BMPER: variants seen among roughly 807,000 people sequenced by gnomAD.
BMPER encodes BMP binding endothelial regulator.
Under a neutral mutation model 87.3 loss-of-function variants are expected in BMPER, and 45 were observed. The ratio of observed to expected loss-of-function variants is 0.52; its 90% CI spans 0.41 to 0.66. The LOEUF is 0.66. Among genes scored for constraint, BMPER ranks in the 30% least tolerant of loss-of-function variants. The pLI, the probability that BMPER is intolerant of heterozygous loss-of-function variation, is 0.00. For synonymous variants in BMPER, 326 were observed against 316.2 expected, an observed-to-expected ratio of 1.03 and a Z score of -0.33; for missense variants, 784 against 867.5, an observed-to-expected ratio of 0.90 and a Z score of 1.21.
At chr7:34,136,512 C>T (rs1363979438) in intron 13 of BMPER, among the ~76,000 whole-genome samples, 3 of 152,132 alleles carry the variant, frequency 2.0e-5, no homozygotes, top group Non-Finnish European at 2.9e-5. Flanking sequence ...CTTATGGTAG[C>T]TAACCACACT....
chr7:34,092,021 C>T (rs1226601209), intron 13 of BMPER, among the ~76,000 whole-genome samples: 1 of 152,178 alleles, frequency 6.6e-6, no homozygotes, highest in Non-Finnish European at 1.5e-5. Context: ...AGGGCTGCTT[C>T]TCCTAGCCTG....
At chr7:33,963,615 G>A (rs980300601) in intron 3 of BMPER, among the ~76,000 whole-genome samples, 4 of 152,082 alleles carry the variant, frequency 2.6e-5, no homozygotes, top group East Asian at 3.9e-4. Flanking sequence ...CCAACATGGT[G>A]AAACCCTGTC....
intron 6 of BMPER, among the ~76,000 whole-genome samples, chr7:34,004,163 C>A (rs536576997): frequency 1.3e-5 from 2 of 152,158 alleles, no homozygotes; most frequent in Admixed American, 6.5e-5. Flanking sequence ...CTTTCTTCTG[C>A]CAGTTCGATC....
At chr7:33,990,274 A>G (rs1585711489) in intron 6 of BMPER, among the ~76,000 whole-genome samples, 3 of 132,882 alleles carry the variant, frequency 2.3e-5, no homozygotes, top group African/African-American at 8.8e-5. Context: ...CATTTGTTGT[A>G]TCCTCTTTTA....
chr7:34,146,178 A>G (rs1791014309), intron 14 of BMPER, among the ~76,000 whole-genome samples: 1 of 152,184 alleles, frequency 6.6e-6, no homozygotes. Context: ...TAGAATACTG[A>G]ACACTATAAA....
chr7:34,153,225 C>G lies in BMPER; in HGVS notation c.2010C>G (p.Val670=). 2 of 1,614,046 alleles carry G rather than the reference C, an allele frequency of 1.2e-6. No individual in the cohort carries two copies. Among genetic ancestry groups the G allele is most frequent in the South Asian group, 1.1e-5 (1 of 91,072 alleles). The change falls in exon 15 of 15, where the codon GTC becomes GTG. Residue 670 remains valine, a synonymous_variant. Transcript: ENST00000649409. ...GGTGCCACTGTCCAGCAAACTTGGT[C>G]CTTCACAAGGGAAGGTGCATCAAGC... is the stretch of plus-strand genomic sequence containing the variant. ...VAGCHCPANL[V]LHKGRCIKPV...
At chr7:34,065,199 A>T (rs868586758) in intron 11 of BMPER, among the ~76,000 whole-genome samples, 86 of 94,140 alleles carry the variant, frequency 9.1e-4, no homozygotes, top group African/African-American at 1.9e-3. Flanking sequence ...ACACATACAC[A>T]CTCACTCTCT....
intron 13 of BMPER, among the ~76,000 whole-genome samples, chr7:34,102,145 CA>C (rs1478126488): frequency 1.7e-5 from 1 of 58,046 alleles, no homozygotes; most frequent in African/African-American, 7.2e-5. Flanking sequence ...GCCTTTTCTC[CA>C]TTTTTTTTTG....
chr7:34,043,468 C>T (rs895390247), intron 6 of BMPER, among the ~76,000 whole-genome samples: 54 of 152,194 alleles, frequency 3.5e-4, no homozygotes, highest in Non-Finnish European at 7.2e-4. Context: ...GGGCACATCT[C>T]ACTGCAAGAG....
At position 34,048,990 on chromosome 7, in the gene BMPER, G is replaced by A. The variant is rs141287091; in HGVS notation, c.676+2585G>A. On this transcript the variant is annotated intron_variant, in intron 7 of 14. Coordinates refer to ENST00000649409, the MANE Select transcript of BMPER (RefSeq NM_001365308.1). Reference sequence around the variant, plus strand: ...AGAGACAAAAAAGCAAACAAACACTGGGATGCTTTCTAGATGCTGAAATCT... The same window carrying A: ...AGAGACAAAAAAGCAAACAAACACTAGGATGCTTTCTAGATGCTGAAATCT... 4.3e-3 allele frequency among the ~76,000 whole-genome samples: 658 copies of A among 152,248 alleles called. 7 individuals carry two copies. Among genetic ancestry groups the A allele is most frequent in the African/African-American group, 0.014 (598 of 41,556 alleles).
chr7:33,999,587 A>G (rs1216678394), intron 6 of BMPER, among the ~76,000 whole-genome samples: 1 of 152,232 alleles, frequency 6.6e-6, no homozygotes, highest in Admixed American at 6.5e-5. Context: ...GCCTCATATC[A>G]GTTTCTCTTT....
At chr7:34,103,450 C>T (rs531503165) in intron 13 of BMPER, among the ~76,000 whole-genome samples, 1 of 152,294 alleles carries the variant, frequency 6.6e-6, no homozygotes, top group Non-Finnish European at 1.5e-5. Context: ...CATTACCCCT[C>T]TGTTTTCCAG....
intron 6 of BMPER, among the ~76,000 whole-genome samples, chr7:33,978,294 C>G (rs1004415805): frequency 6.6e-6 from 1 of 152,226 alleles, no homozygotes; most frequent in Non-Finnish European, 1.5e-5. Flanking sequence ...AACCAGCCAG[C>G]ACCTTGATCT....
chr7:34,036,696 T>C (rs932584237), intron 6 of BMPER, among the ~76,000 whole-genome samples: 5 of 152,142 alleles, frequency 3.3e-5, no homozygotes, highest in Non-Finnish European at 7.4e-5. Context: ...CTTGGGCCTA[T>C]AGGGTGGGCT....
chr7:33,968,243 C>T (rs531114376), intron 4 of BMPER, among the ~76,000 whole-genome samples: 1 of 152,118 alleles, frequency 6.6e-6, no homozygotes, highest in Admixed American at 6.5e-5. Context: ...CTGTGCCCTG[C>T]TAGCTAGGAT....
rs1000516118 is a variant in BMPER, at chr7:34,080,302, A to G, written c.1408+1116A>G. On this transcript the variant is annotated intron_variant, in intron 12 of 14. Coordinates refer to ENST00000649409, the MANE Select transcript of BMPER (RefSeq NM_001365308.1). ...CTTCAGAACCCTGGCAATTACTTCA[A>G]TTCAAGCCAAAAGGTATTTTGATAA... Among the ~76,000 whole-genome samples the G allele has an allele frequency of 2.0e-4, 30 of 152,192 alleles. 1 individual carries two copies. Among genetic ancestry groups the G allele is most frequent in the Non-Finnish European group, 4.4e-5 (3 of 68,030 alleles).
chr7:34,003,774 GA>G (rs1202234587), intron 6 of BMPER, among the ~76,000 whole-genome samples: 1 of 151,984 alleles, frequency 6.6e-6, no homozygotes, highest in Non-Finnish European at 1.5e-5. Context: ...TTTTGATGAT[GA>G]ATCAGCTATT....
intron 2 of BMPER, among the ~76,000 whole-genome samples, chr7:33,918,607 TGAGAGAACATGAAA>T (rs1784140924): frequency 6.6e-6 from 1 of 152,244 alleles, no homozygotes; most frequent in South Asian, 2.1e-4. Flanking sequence ...TTTTCCTGAA[TGAGAGAACATGAAA>T]GATGAAGCAG....
At chr7:33,927,129 G>A (rs1031574138) in intron 2 of BMPER, among the ~76,000 whole-genome samples, 2 of 152,250 alleles carry the variant, frequency 1.3e-5, no homozygotes, top group African/African-American at 2.4e-5. Context: ...GGCTGTGAGC[G>A]GCTCCTCCGC....
Sources: allele counts gnomAD v4.1 joint callset (sites outside exome capture counted in the v4.1 genomes callset), GRCh38; gene constraint gnomAD v4.1.1; transcripts MANE v1.5; gene names NCBI Gene and HGNC (gene_info 2026-07-23, HGNC 2026-07-21).